ADAMTS9: variants seen among roughly 807,000 people sequenced by gnomAD.
The protein encoded by ADAMTS9 is A disintegrin and metalloproteinase with thrombospondin motifs 9.
ADAMTS9 carries 107 observed loss-of-function variants against 257.1 expected under a neutral mutation model. That is an observed-to-expected ratio of 0.42 (90% CI 0.36 to 0.49). The LOEUF (loss-of-function observed/expected upper bound fraction) is 0.49. Ranked by LOEUF, ADAMTS9 falls within the 20% of genes least tolerant of loss-of-function variation. ADAMTS9 has a pLI of 0.03. For missense variants in ADAMTS9, 2,353 were observed against 2,469.1 expected (o/e 0.95, Z 1.00); for synonymous variants, 982 against 880.9 (o/e 1.11, Z -2.03).
intron 3 of ADAMTS9, among the ~76,000 whole-genome samples, chr3:64,662,654 T>A (rs527892475): frequency 6.6e-6 from 1 of 152,108 alleles, no homozygotes; most frequent in Non-Finnish European, 1.5e-5. Context: ...TATAAAACAC[T>A]TTGATGGACT....
At chr3:64,608,031 A>G (rs2084589853) in intron 22 of ADAMTS9, among the ~76,000 whole-genome samples, 1 of 152,170 alleles carries the variant, frequency 6.6e-6, no homozygotes, top group African/African-American at 2.4e-5. Context: ...CTTAACCCAT[A>G]GGTCAAAACA....
chr3:64,649,566 A>T, intron 10 of ADAMTS9, 71 bp downstream of exon 10: 1 of 1,500,302 alleles, frequency 6.7e-7, no homozygotes, highest in Non-Finnish European at 9.0e-7. Flanking sequence ...GTTAGAATGC[A>T]ATGGAAAACT....
intron 16 of ADAMTS9, among the ~76,000 whole-genome samples, chr3:64,623,903 T>C (rs886556938): frequency 1.3e-5 from 2 of 152,090 alleles, no homozygotes; most frequent in South Asian, 4.1e-4. Flanking sequence ...TTGCAAAAGA[T>C]GAAAAAAATC....
intron 28 of ADAMTS9, among the ~76,000 whole-genome samples, chr3:64,579,157 C>T (rs2083929987): frequency 6.6e-6 from 1 of 152,168 alleles, no homozygotes; most frequent in Non-Finnish European, 1.5e-5. Flanking sequence ...TCAGTTTCAT[C>T]TGTAATTTCC....
At chr3:64,542,485 T>C (rs2083139005) in intron 32 of ADAMTS9, among the ~76,000 whole-genome samples, 1 of 149,294 alleles carries the variant, frequency 6.7e-6, no homozygotes, top group African/African-American at 2.4e-5. Context: ...CGGAGTGCAA[T>C]GGCACAATCA....
chr3:64,610,207 A>G (rs150671131), intron 22 of ADAMTS9, among the ~76,000 whole-genome samples: 154 of 152,378 alleles, frequency 1.0e-3, no homozygotes, highest in East Asian at 5.0e-3. Flanking sequence ...GGATTCGGCA[A>G]TGACTTCCTT....
chr3:64,633,973 G>C, intron 12 of ADAMTS9, 94 bp from the exon 13 acceptor site: 1 of 1,209,794 alleles, frequency 8.3e-7, no homozygotes, highest in Non-Finnish European at 1.2e-6. Context: ...GTCTTCTAGA[G>C]AAGTAAATCT....
At chr3:64,536,981 C>G (rs2083058949) in intron 37 of ADAMTS9, among the ~76,000 whole-genome samples, 1 of 152,200 alleles carries the variant, frequency 6.6e-6, no homozygotes, top group Admixed American at 6.5e-5. Context: ...ATCACTAGGT[C>G]AAAGGCTGAA....
chr3:64,686,347 A>AC lies in ADAMTS9; in HGVS notation c.516+220dup, dbSNP rs1559828623. On this transcript the variant is annotated intron_variant, in intron 2 of 39. Transcript: ENST00000498707. This position sits in a 1 kb window ranked among gnomAD's most constrained non-coding sequence, Gnocchi z 4.6. The stretch of plus-strand genomic sequence containing the variant: ...AGTCCAAACTCCAGAAAGCTCTGAA[A>AC]CATCCAGAAGCCCCTGGGGGCGGGT... 1.3e-5 allele frequency among the ~76,000 whole-genome samples: 2 copies of AC among 152,366 alleles called. No homozygotes were observed. Among genetic ancestry groups the AC allele is most frequent in the East Asian group, 3.9e-4 (2 of 5,176 alleles).
At chr3:64,593,950 GTGTGTGTATGA>G (rs1423756214) in intron 28 of ADAMTS9, among the ~76,000 whole-genome samples, 27 of 105,378 alleles carry the variant, frequency 2.6e-4, no homozygotes, top group African/African-American at 1.5e-3. Flanking sequence ...CTATGTATGT[GTGTGTGTATGA>G]TGTGTGTGTG....
intron 15 of ADAMTS9, 119 bp from the exon 16 acceptor site, chr3:64,631,669 C>T (rs755384897): frequency 1.7e-6 from 2 of 1,164,812 alleles, no homozygotes; most frequent in Non-Finnish European, 1.3e-6. Context: ...CTATTAGGTG[C>T]CTTCTAGTCG....
At chr3:64,655,930 G>C (rs1701058199) in intron 4 of ADAMTS9, 55 bp from the exon 5 acceptor site, 1 of 1,153,960 alleles carries the variant, frequency 8.7e-7, no homozygotes, top group Non-Finnish European at 1.2e-6. Context: ...TAAGCAATAA[G>C]CAAGTCACGT....
chr3:64,556,685 A>G (rs2083338020), intron 30 of ADAMTS9, among the ~76,000 whole-genome samples: 2 of 151,530 alleles, frequency 1.3e-5, no homozygotes, highest in East Asian at 1.9e-4. Context: ...ATGAAAGTCC[A>G]TCAATTAGCA....
Position 64,687,914 on chromosome 3 carries a change from G to A in ADAMTS9, c.-257C>T, listed in dbSNP as rs1701964158. On this transcript the variant is annotated 5_prime_UTR_variant, in exon 1 of 40. Transcript: ENST00000498707. The surrounding 1 kb of genome is among the most constrained non-coding windows in gnomAD (Gnocchi z 4.4). ...AGGAGCAGGAGGAGGAGGAGGACTG[G>A]GGCTCGGCTGCTTGGCCGCATAATG... The A allele has an allele frequency of 8.8e-6, 3 of 341,996 alleles. No individual in the cohort carries two copies. The highest frequency in any genetic ancestry group is 5.3e-6 in the Non-Finnish European group (1 of 188,210). The allele number at this position is 341,996 out of a possible 1,614,324, so 21.2% of individuals were successfully genotyped here. A position where few individuals can be genotyped will look rare whatever the true frequency, so the allele number is the denominator to read the frequency against.
Position 64,579,507 on chromosome 3 carries a change from T to C in ADAMTS9, c.4357-10972A>G, listed in dbSNP as rs578151065. On this transcript the variant is annotated intron_variant, in intron 28 of 39. Coordinates refer to ENST00000498707, the MANE Select transcript of ADAMTS9 (RefSeq NM_182920.2). The stretch of plus-strand genomic sequence containing the variant: ...TAATATATATTTGACTTTTTTGTTT[T>C]GTTTGTGATTCGTAGCTTGTCTCCA... 1.3e-4 allele frequency among the ~76,000 whole-genome samples: 20 copies of C among 152,344 alleles called. No individual in the cohort carries two copies. The East Asian group carries it at 3.9e-3, about 29-fold the overall frequency.
At chr3:64,598,020 T>C (rs577681801) in intron 26 of ADAMTS9, among the ~76,000 whole-genome samples, 11 of 152,326 alleles carry the variant, frequency 7.2e-5, no homozygotes, top group African/African-American at 2.6e-4. Flanking sequence ...ATAGGCTCTA[T>C]CAAACATTGC....
Position 64,542,430 on chromosome 3 carries a change from C to CTTTCT in ADAMTS9, c.5065-461_5065-460insAGAAA, listed in dbSNP as rs56347750. Among the ~76,000 whole-genome samples, 873 of 124,476 alleles carry CTTTCT rather than the reference C, an allele frequency of 7.0e-3. 11 individuals carry two copies. Among genetic ancestry groups the CTTTCT allele is most frequent in the African/African-American group, 0.022 (717 of 33,126 alleles). The allele number at this position is 124,476 out of a possible 152,430, so 81.7% of individuals were successfully genotyped here. A position where few individuals can be genotyped will look rare whatever the true frequency, so the allele number is the denominator to read the frequency against. On this transcript the variant is annotated intron_variant, in intron 32 of 39. Coordinates refer to ENST00000498707, the MANE Select transcript of ADAMTS9 (RefSeq NM_182920.2). The stretch of plus-strand genomic sequence containing the variant: ...CTGATCACTTTTCATTTCTTTCTTT[C>CTTTCT]TTTTTTTTTTTTTTGAGACAGAGTT...
chr3:64,539,186 A>T lies in ADAMTS9; in HGVS notation c.5613+17T>A. 1 of 1,601,364 alleles carries T rather than the reference A, an allele frequency of 6.2e-7. No individual in the cohort carries two copies. The highest frequency in any genetic ancestry group is 1.1e-5 in the South Asian group (1 of 90,816). On this transcript the variant is annotated intron_variant, in intron 37 of 39. Transcript: ENST00000498707. ...GGAGGTGAATCCCTGGCAAGGGGGAAGGCACCAAGGACATACCTGTGGGCA... is the reference window on the plus strand; with the variant it reads ...GGAGGTGAATCCCTGGCAAGGGGGATGGCACCAAGGACATACCTGTGGGCA...
intron 28 of ADAMTS9, among the ~76,000 whole-genome samples, chr3:64,569,549 A>C (rs1193051194): frequency 6.6e-6 from 1 of 152,242 alleles, no homozygotes; most frequent in Non-Finnish European, 1.5e-5. Context: ...TTAAATTACC[A>C]ACATGCCCTT....
Sources: gnomAD v4.1 joint callset for allele counts (sites outside exome capture counted in the v4.1 genomes callset) on GRCh38, gnomAD v4.1.1 for gene constraint, Gnocchi (gnomAD v3.1) non-coding constraint, MANE v1.5 for transcripts, NCBI Gene and HGNC (gene_info 2026-07-23, HGNC 2026-07-21) for gene names.